The following MARCHF1 variants were observed in gnomAD, a reference collection of about 807,000 sequenced individuals.
MARCHF1 encodes the protein E3 ubiquitin-protein ligase MARCHF1.
MARCHF1 carries 40 observed loss-of-function variants against 54.2 expected under a neutral mutation model. The observed-to-expected ratio is 0.74, with a 90% CI of 0.57 to 0.96. MARCHF1 has a LOEUF of 0.96. Among genes scored for constraint, MARCHF1 ranks in the 40% least tolerant of loss-of-function variants. The pLI, the probability that MARCHF1 is intolerant of heterozygous loss-of-function variation, is 0.00. For synonymous variants in MARCHF1, 236 were observed against 236.3 expected, an observed-to-expected ratio of 1.00 and a Z score of 0.01; for missense variants, 586 against 656.5, an observed-to-expected ratio of 0.89 and a Z score of 1.17.
chr4:163,887,768 T>G (rs554893365), intron 3 of MARCHF1, among the ~76,000 whole-genome samples: 6 of 152,184 alleles, frequency 3.9e-5, no homozygotes, highest in African/African-American at 7.2e-5. Context: ...TCTTTAGTCC[T>G]TTATTTTCTT....
At chr4:164,209,774 T>C (rs145527357) in intron 1 of MARCHF1, among the ~76,000 whole-genome samples, 10 of 152,312 alleles carry the variant, frequency 6.6e-5, no homozygotes, top group African/African-American at 2.4e-4. Context: ...ATTTGTATAA[T>C]TGGAATATTT....
chr4:164,081,733 C>T (rs1291495120), intron 2 of MARCHF1, among the ~76,000 whole-genome samples: 1 of 152,160 alleles, frequency 6.6e-6, no homozygotes, highest in Non-Finnish European at 1.5e-5. Context: ...CATGCACACA[C>T]ACACACATAC....
At chr4:164,123,263 C>T (rs1454908859) in intron 1 of MARCHF1, among the ~76,000 whole-genome samples, 1 of 151,962 alleles carries the variant, frequency 6.6e-6, no homozygotes, top group African/African-American at 2.4e-5. Context: ...AAGTAAAAGA[C>T]CTCTATAATG....
chr4:164,251,317 G>C (rs1733117244), intron 1 of MARCHF1, among the ~76,000 whole-genome samples: 1 of 152,058 alleles, frequency 6.6e-6, no homozygotes, highest in African/African-American at 2.4e-5. Context: ...AAGTCACATT[G>C]TTTTACTTTT....
chr4:163,958,799 A>C (rs992835316), intron 3 of MARCHF1, among the ~76,000 whole-genome samples: 6 of 151,954 alleles, frequency 3.9e-5, no homozygotes, highest in Non-Finnish European at 7.4e-5. Context: ...GATGCACAAA[A>C]TCTCACATTT....
chr4:163,654,495 T>C (rs1262250550), intron 5 of MARCHF1, among the ~76,000 whole-genome samples: 1 of 151,750 alleles, frequency 6.6e-6, no homozygotes, highest in South Asian at 2.1e-4. Flanking sequence ...TATTTCTTCC[T>C]GAAATTTTGA....
intron 1 of MARCHF1, among the ~76,000 whole-genome samples, chr4:164,300,227 T>G (rs1208255364): frequency 6.6e-6 from 1 of 152,000 alleles, no homozygotes; most frequent in African/African-American, 2.4e-5. Flanking sequence ...CACTCTTAGC[T>G]CTCTGCCACA....
chr4:163,905,536 T>C (rs893565811), intron 3 of MARCHF1, among the ~76,000 whole-genome samples: 2 of 152,022 alleles, frequency 1.3e-5, no homozygotes, highest in African/African-American at 4.8e-5. Context: ...AAAGAGGAAA[T>C]AAAGCATTGA....
At chr4:164,215,598 AT>A (rs1256615048) in intron 1 of MARCHF1, among the ~76,000 whole-genome samples, 2 of 152,160 alleles carry the variant, frequency 1.3e-5, no homozygotes, top group African/African-American at 4.8e-5. Flanking sequence ...TAAAGGGACC[AT>A]GCCCTTCCCT....
At chr4:164,141,941 T>C (rs1183923184) in intron 1 of MARCHF1, among the ~76,000 whole-genome samples, 2 of 151,900 alleles carry the variant, frequency 1.3e-5, no homozygotes, top group Non-Finnish European at 2.9e-5. Flanking sequence ...TGCCAGACAG[T>C]GGGCGCAGGT....
At chr4:163,620,753 T>C (rs1198141847) in intron 5 of MARCHF1, among the ~76,000 whole-genome samples, 1 of 152,164 alleles carries the variant, frequency 6.6e-6, no homozygotes, top group Non-Finnish European at 1.5e-5. Flanking sequence ...GCTTTATTGC[T>C]ATCTGTTTGT....
intron 5 of MARCHF1, among the ~76,000 whole-genome samples, chr4:163,620,464 G>C (rs1373328467): frequency 6.6e-6 from 1 of 151,776 alleles, no homozygotes; most frequent in Admixed American, 6.6e-5. Context: ...TTACAAGATT[G>C]TTCATTACAG....
At chr4:164,377,591 G>GCACACACACACA (rs56204290) in intron 1 of MARCHF1, among the ~76,000 whole-genome samples, 4 of 149,414 alleles carry the variant, frequency 2.7e-5, no homozygotes, top group Admixed American at 6.7e-5. Flanking sequence ...TACTTTTTAT[G>GCACACACACACA]CACACACACA....
intron 5 of MARCHF1, among the ~76,000 whole-genome samples, chr4:163,639,525 A>G (rs60756506): frequency 6.6e-6 from 1 of 151,994 alleles, no homozygotes; most frequent in African/African-American, 2.4e-5. Context: ...AATAAAATTC[A>G]GTGTAACAGA....
intron 3 of MARCHF1, among the ~76,000 whole-genome samples, chr4:163,874,901 G>T (rs1750258209): frequency 6.6e-6 from 1 of 152,032 alleles, no homozygotes; most frequent in Non-Finnish European, 1.5e-5. Flanking sequence ...GCAAAGGTTG[G>T]TACCTGTTTC....
intron 3 of MARCHF1, among the ~76,000 whole-genome samples, chr4:163,963,675 G>A (rs1752384328): frequency 6.6e-6 from 1 of 151,826 alleles, no homozygotes; most frequent in South Asian, 2.1e-4. Context: ...AATAAAATAT[G>A]GTAGAATTGA....
chr4:164,178,369 A>G (rs1381108545), intron 1 of MARCHF1, among the ~76,000 whole-genome samples: 3 of 152,298 alleles, frequency 2.0e-5, no homozygotes, highest in African/African-American at 7.2e-5. Context: ...GGCCTGACTG[A>G]GGGATACATA....
chr4:164,076,440 A>C (rs1754983544), intron 2 of MARCHF1, among the ~76,000 whole-genome samples: 1 of 152,206 alleles, frequency 6.6e-6, no homozygotes, highest in Non-Finnish European at 1.5e-5. Flanking sequence ...TATCATATTT[A>C]ATGGGCAAAT....
At chr4:163,547,565 T>C (rs1252808096) in intron 8 of MARCHF1, among the ~76,000 whole-genome samples, 2 of 152,216 alleles carry the variant, frequency 1.3e-5, no homozygotes, top group African/African-American at 4.8e-5. Context: ...CTCAGCCCAA[T>C]CAGCAACAGC....
Sources: allele counts gnomAD v4.1 joint callset (sites outside exome capture counted in the v4.1 genomes callset), GRCh38; gene constraint gnomAD v4.1.1; transcripts MANE v1.5; gene names NCBI Gene and HGNC (gene_info 2026-07-23, HGNC 2026-07-21).